The following NCBP3 variants were observed in gnomAD, a reference collection of about 807,000 sequenced individuals.
The protein encoded by NCBP3 is nuclear cap-binding protein subunit 3.
A neutral mutation model predicts 75.7 loss-of-function variants in NCBP3; 20 were observed. That is an observed-to-expected ratio of 0.26 (90% CI 0.19 to 0.38). The LOEUF (loss-of-function observed/expected upper bound fraction) is 0.38, where lower values mean the gene tolerates loss of function less well. Ranked by LOEUF, NCBP3 falls within the 10% of genes least tolerant of loss-of-function variation. The pLI, the probability that NCBP3 is intolerant of heterozygous loss-of-function variation, is 1.00. For synonymous variants in NCBP3, 293 were observed against 290.5 expected (o/e 1.01, Z -0.09); for missense variants, 678 against 796.9 (o/e 0.85, Z 1.80).
At position 3,818,761 on chromosome 17, in the gene NCBP3, T is replaced by C. The variant is rs1043453361; in HGVS notation, c.1001-189A>G. Among the ~76,000 whole-genome samples the C allele has an allele frequency of 2.0e-5, 3 of 152,216 alleles. No homozygotes were observed. The highest frequency in any genetic ancestry group is 2.1e-4 in the South Asian group (1 of 4,832). On this transcript the variant is annotated intron_variant, in intron 9 of 12. Coordinates refer to ENST00000389005, the MANE Select transcript of NCBP3 (RefSeq NM_001114118.3). This position sits in a 1 kb window ranked among gnomAD's most constrained non-coding sequence, Gnocchi z 4.7. Reference sequence around the variant, plus strand: ...AACAGGAGGATGGCTAGGTAAAGTATGATGCAGCAGCCTAACCAAATACCA... The same window carrying C: ...AACAGGAGGATGGCTAGGTAAAGTACGATGCAGCAGCCTAACCAAATACCA...
chr17:3,837,995 T>A (rs367837432), intron 3 of NCBP3, among the ~76,000 whole-genome samples: 4,826 of 132,108 alleles, frequency 0.037, 104 homozygotes, highest in Non-Finnish European at 0.053. Flanking sequence ...AAAAAAAATT[T>A]TTTTAAATTA....
rs907496704 is a variant in NCBP3 at position 3,812,945 on chromosome 17, C to T, written c.*99G>A. 20 of 1,550,540 alleles carry T rather than the reference C, an allele frequency of 1.3e-5. No individual in the cohort carries two copies. In the African/African-American group the frequency reaches 1.5e-4, roughly 12 times the overall value. On this transcript the variant is annotated 3_prime_UTR_variant, in exon 13 of 13. Transcript: ENST00000389005. ...CGGAGGGTGACTGTGTGAGCAGGAG[C>T]GAGAGGGCGCCAGCTCCTGCGGGGG...
At chr17:3,815,014 T>C (rs537569030) in intron 11 of NCBP3, among the ~76,000 whole-genome samples, 1 of 152,360 alleles carries the variant, frequency 6.6e-6, no homozygotes, top group Non-Finnish European at 1.5e-5. Flanking sequence ...TGAGGCCCTG[T>C]GCCGAGGTCT....
In NCBP3 at chr17:3,836,478, C is replaced by A. The variant is rs183292466; in HGVS notation, c.355+3622G>T. Among the ~76,000 whole-genome samples the A allele has an allele frequency of 8.9e-3, 1,345 of 150,672 alleles. 23 individuals carry two copies. Among genetic ancestry groups the A allele is most frequent in the African/African-American group, 0.03 (1,244 of 40,986 alleles). On this transcript the variant is annotated intron_variant, in intron 3 of 12. Transcript: ENST00000389005. ...GACCAGCCTGGCTAACATGGTGAAA[C>A]CCCGTCTCTACTAAAAATATAAAAA...
chr17:3,803,791 G>A lies in NCBP3; in HGVS notation c.*9253C>T, dbSNP rs926851247. 4 of 152,130 alleles carry A rather than the reference G, an allele frequency of 2.6e-5. No individual in the cohort carries two copies. The highest frequency in any genetic ancestry group is 6.6e-5 in the Admixed American group (1 of 15,266). 9.4% of individuals were successfully genotyped at this position (152,130 alleles called of 1,614,324 possible). On this transcript the variant is annotated 3_prime_UTR_variant, in exon 13 of 13. Coordinates refer to ENST00000389005, the MANE Select transcript of NCBP3 (RefSeq NM_001114118.3). ...AATAAAGTTTTTAAAAAATGGGCAG[G>A]TGGGCCAGGCGCGGTGGCTCACGCC...
chr17:3,844,729 A>G (rs1244528341), intron 1 of NCBP3, among the ~76,000 whole-genome samples: 6 of 152,178 alleles, frequency 3.9e-5, no homozygotes, highest in Non-Finnish European at 8.8e-5. Context: ...ACATCCCTGT[A>G]ATCTCAACTA....
In NCBP3 at chr17:3,813,346, C is replaced by A. The variant is rs1008519991; in HGVS notation, c.1628-67G>T. 8.3e-6 allele frequency: 13 copies of A among 1,572,110 alleles called. No homozygotes were observed. In the Admixed American group the frequency reaches 1.9e-4, roughly 23 times the overall value. On this transcript the variant is annotated intron_variant, in intron 12 of 12. Coordinates refer to ENST00000389005, the MANE Select transcript of NCBP3 (RefSeq NM_001114118.3). ...AAGAACCAGGGTAGCACTGAGGGGGCAGCAGCACTGCCAACACCTGCTGTG... is the reference window on the plus strand; with the variant it reads ...AAGAACCAGGGTAGCACTGAGGGGGAAGCAGCACTGCCAACACCTGCTGTG...
chr17:3,842,285 C>T lies in NCBP3; in HGVS notation c.249+801G>A, dbSNP rs577430572. Among the ~76,000 whole-genome samples, 40 of 152,198 alleles carry T rather than the reference C, an allele frequency of 2.6e-4. 1 individual carries two copies. The South Asian group carries it at 7.7e-3, about 29-fold the overall frequency. ...ACTAAAATTACAAAAATTAGCCAGGCGTGGTGGCGGGCGCCTGTAGTCCTA... is the reference window on the plus strand; with the variant it reads ...ACTAAAATTACAAAAATTAGCCAGGTGTGGTGGCGGGCGCCTGTAGTCCTA... On this transcript the variant is annotated intron_variant, in intron 2 of 12. Coordinates refer to ENST00000389005, the MANE Select transcript of NCBP3 (RefSeq NM_001114118.3).
At chr17:3,827,771 T>C (rs534518148) in intron 4 of NCBP3, among the ~76,000 whole-genome samples, 3 of 152,312 alleles carry the variant, frequency 2.0e-5, no homozygotes, top group Admixed American at 2.0e-4. Flanking sequence ...TTAGTCACAG[T>C]TTTAATGACT....
intron 11 of NCBP3, among the ~76,000 whole-genome samples, chr17:3,815,082 G>C (rs60144332): frequency 0.12 from 18,188 of 152,116 alleles, 1,973 homozygotes; most frequent in African/African-American, 0.29. Context: ...ACTGAGACCT[G>C]AGCTCCTTTC....
rs557596553 is a variant in NCBP3 at position 3,831,301 on chromosome 17, C to T, written c.356-1933G>A. 1.6e-4 allele frequency among the ~76,000 whole-genome samples: 24 copies of T among 151,852 alleles called. No individual in the cohort carries two copies. The South Asian group carries it at 3.5e-3, about 22-fold the overall frequency. Reference sequence around the variant, plus strand: ...CAATAAATAAACTTAAGGTCGGGCGCGGTCGCTCAAGCCTGTAATCCCAGC... The same window carrying T: ...CAATAAATAAACTTAAGGTCGGGCGTGGTCGCTCAAGCCTGTAATCCCAGC... On this transcript the variant is annotated intron_variant, in intron 3 of 12. Coordinates refer to ENST00000389005, the MANE Select transcript of NCBP3 (RefSeq NM_001114118.3).
chr17:3,832,432 C>A lies in NCBP3; in HGVS notation c.356-3064G>T, dbSNP rs1314141270. ...GCAGATCACAAGGTCAGATCGAGAC[C>A]ATCCTGGCCAACACGGTGAAACCCC... On this transcript the variant is annotated intron_variant, in intron 3 of 12. Coordinates refer to ENST00000389005, the MANE Select transcript of NCBP3 (RefSeq NM_001114118.3). 1.7e-5 allele frequency among the ~76,000 whole-genome samples: 2 copies of A among 117,862 alleles called. 1 individual carries two copies. The highest frequency in any genetic ancestry group is 1.7e-4 in the Admixed American group (2 of 11,730). 77.3% of individuals were successfully genotyped at this position (117,862 alleles called of 152,430 possible). A position where few individuals can be genotyped will look rare whatever the true frequency, so the allele number is the denominator to read the frequency against.
intron 10 of NCBP3, among the ~76,000 whole-genome samples, chr17:3,817,927 A>T (rs901877822): frequency 2.0e-5 from 3 of 152,126 alleles, no homozygotes; most frequent in African/African-American, 7.3e-5. Context: ...TAAAAAGTAT[A>T]CTTTTATACA....
rs532850498 is a variant in NCBP3, at chr17:3,811,973, A to G, written c.*1071T>C. On this transcript the variant is annotated 3_prime_UTR_variant, in exon 13 of 13. Transcript: ENST00000389005. ...TCAGGTGCCACAACGTGGGGACAGAAAGAATAAATATCAATGTATAACTTC... is the reference window on the plus strand; with the variant it reads ...TCAGGTGCCACAACGTGGGGACAGAGAGAATAAATATCAATGTATAACTTC... 41 of 152,360 alleles carry G rather than the reference A, an allele frequency of 2.7e-4. No homozygotes were observed. The highest frequency in any genetic ancestry group is 9.9e-4 in the African/African-American group (41 of 41,586). The allele number at this position is 152,360 out of a possible 1,614,324, so 9.4% of individuals were successfully genotyped here.
At position 3,814,437 on chromosome 17, in the gene NCBP3, A is replaced by T. The variant is rs750842675; in HGVS notation, c.1512T>A (p.Ala504=). Residue 504 remains alanine (A), a synonymous_variant, in exon 12 of 13, where the codon GCT becomes GCA. Transcript: ENST00000389005. ...TCCGAACGACGGGGTTACTACTAAA[A>T]GCCTTTTCCGGAGAATGTGGTCTTT... is the stretch of plus-strand genomic sequence containing the variant. ...LGKRPHSPEK[A]FSSNPVVRRE... is the part of the protein sequence containing the mutation. The T allele has an allele frequency of 8.7e-6, 14 of 1,614,082 alleles. No individual in the cohort carries two copies. In the Admixed American group the frequency reaches 2.0e-4, roughly 23 times the overall value.
At chr17:3,815,726 G>A (rs149004804) in intron 11 of NCBP3, among the ~76,000 whole-genome samples, 1 of 152,244 alleles carries the variant, frequency 6.6e-6, no homozygotes, top group Non-Finnish European at 1.5e-5. Flanking sequence ...ACCGTATTAG[G>A]TATTGTAAAT....
intron 10 of NCBP3, among the ~76,000 whole-genome samples, chr17:3,817,795 C>T (rs962823439): frequency 1.2e-4 from 18 of 151,904 alleles, no homozygotes; most frequent in Admixed American, 2.6e-4. Flanking sequence ...AAAAGGAATT[C>T]GTTAAATAAA....
At chr17:3,831,419 G>A (rs1156894269) in intron 3 of NCBP3, among the ~76,000 whole-genome samples, 28 of 150,920 alleles carry the variant, frequency 1.9e-4, no homozygotes, top group Non-Finnish European at 4.4e-5. Context: ...AAAAATACAA[G>A]AAAATTAGCT....
chr17:3,818,705 T>C lies in NCBP3; in HGVS notation c.1001-133A>G, dbSNP rs777615891. Reference sequence around the variant, plus strand: ...CATTTTATTGGAGCACTATCTATAATAGTGCCAAATGGACATTACTCTGAT... The same window carrying C: ...CATTTTATTGGAGCACTATCTATAACAGTGCCAAATGGACATTACTCTGAT... On this transcript the variant is annotated intron_variant, in intron 9 of 12. Coordinates refer to ENST00000389005, the MANE Select transcript of NCBP3 (RefSeq NM_001114118.3). This position sits in a 1 kb window ranked among gnomAD's most constrained non-coding sequence, Gnocchi z 4.7. 1.9e-5 allele frequency: 18 copies of C among 959,552 alleles called. No individual in the cohort carries two copies. The highest frequency in any genetic ancestry group is 1.8e-4 in the African/African-American group (11 of 61,004). The allele number at this position is 959,552 out of a possible 1,614,324, so 59.4% of individuals were successfully genotyped here. A position where few individuals can be genotyped will look rare whatever the true frequency, so the allele number is the denominator to read the frequency against.
Sources: allele counts gnomAD v4.1 joint callset (sites outside exome capture counted in the v4.1 genomes callset), GRCh38; gene constraint gnomAD v4.1.1; non-coding constraint Gnocchi (gnomAD v3.1); transcripts MANE v1.5; gene names NCBI Gene and HGNC (gene_info 2026-07-23, HGNC 2026-07-21).